SSBP3: variants seen among roughly 807,000 people sequenced by gnomAD.
SSBP3 encodes the protein single-stranded DNA-binding protein 3.
Under a neutral mutation model 69.6 loss-of-function variants are expected in SSBP3, and 5 were observed. That is an observed-to-expected ratio of 0.07 (90% CI 0.04 to 0.15). The LOEUF is 0.15. Among genes scored for constraint, SSBP3 ranks in the 10% least tolerant of loss-of-function variants. The pLI, the probability that SSBP3 is intolerant of heterozygous loss-of-function variation, is 1.00. For missense variants in SSBP3, 312 were observed against 534.0 expected (o/e 0.58, Z 4.10); for synonymous variants, 196 against 193.4 (o/e 1.01, Z -0.11).
chr1:54,379,839 C>T (rs1647475851), intron 4 of SSBP3, among the ~76,000 whole-genome samples: 1 of 152,224 alleles, frequency 6.6e-6, no homozygotes, highest in South Asian at 2.1e-4. Flanking sequence ...AAGGCGGTAT[C>T]GTCCCTGCCC....
At chr1:54,406,806 C>T (rs903014752), upstream of SSBP3, among the ~76,000 whole-genome samples, 1 of 149,854 alleles carries the variant, frequency 6.7e-6, no homozygotes, top group African/African-American at 2.4e-5. Context: ...GCCGCTCGCT[C>T]CCTCCCGCCC....
At chr1:54,238,050 T>C (rs1180693396) in intron 14 of SSBP3, 1 of 432,214 alleles carries the variant, frequency 2.3e-6, no homozygotes, top group Admixed American at 2.6e-5. Context: ...ACTTTCTGTG[T>C]CCTGGGATTC....
chr1:54,307,145 C>T (rs565119445), intron 4 of SSBP3, among the ~76,000 whole-genome samples: 15 of 152,282 alleles, frequency 9.9e-5, no homozygotes, highest in African/African-American at 1.4e-4. Flanking sequence ...TTCTGCCTTC[C>T]GGCCCTAGAG....
At chr1:54,377,178 C>A (rs2100704768) in intron 4 of SSBP3, among the ~76,000 whole-genome samples, 2 of 152,242 alleles carry the variant, frequency 1.3e-5, no homozygotes, top group Middle Eastern at 6.8e-3. Context: ...GGCCTCATCG[C>A]CATTACTGAA....
intron 4 of SSBP3, among the ~76,000 whole-genome samples, chr1:54,397,561 G>C (rs1346802958): frequency 6.6e-6 from 1 of 152,124 alleles, no homozygotes; most frequent in Non-Finnish European, 1.5e-5. Context: ...TGCTGGAGTG[G>C]GAGGACAGGG....
intron 5 of SSBP3, among the ~76,000 whole-genome samples, chr1:54,270,631 A>T (rs1645176396): frequency 2.0e-5 from 3 of 152,156 alleles, no homozygotes; most frequent in African/African-American, 7.2e-5. Context: ...AAGAGGAGAA[A>T]CCCTGAGGCA....
intron 7 of SSBP3, among the ~76,000 whole-genome samples, chr1:54,252,816 T>A (rs688383): frequency 2.0e-5 from 3 of 152,194 alleles, no homozygotes; most frequent in Admixed American, 2.0e-4. Context: ...TTTATAAATA[T>A]GAGCTTTTGC....
intron 11 of SSBP3, 142 bp from the exon 12 acceptor site, chr1:54,241,651 G>A: frequency 1.2e-6 from 1 of 836,476 alleles, no homozygotes; most frequent in African/African-American, 1.7e-5. Context: ...TCCCCTGGGA[G>A]GGCTGGGACG....
intron 14 of SSBP3, among the ~76,000 whole-genome samples, chr1:54,234,421 C>T (rs533365855): frequency 6.6e-6 from 1 of 151,518 alleles, no homozygotes; most frequent in South Asian, 2.1e-4. Flanking sequence ...GACCTCATCT[C>T]TACAACAACA....
intron 4 of SSBP3, among the ~76,000 whole-genome samples, chr1:54,393,488 G>T (rs1005114040): frequency 3.3e-5 from 5 of 152,204 alleles, no homozygotes; most frequent in Non-Finnish European, 7.4e-5. Flanking sequence ...CGGAGGTGAG[G>T]TAAGAAAAAT....
intron 4 of SSBP3, among the ~76,000 whole-genome samples, chr1:54,319,831 G>C (rs1045112115): frequency 6.6e-6 from 1 of 152,142 alleles, no homozygotes; most frequent in Non-Finnish European, 1.5e-5. Context: ...TTATTCTTTT[G>C]TTGGCCTCTT....
At chr1:54,251,855 C>A (rs374080967) in exon 8 of SSBP3, 7 of 1,611,364 alleles carry the variant, frequency 4.3e-6, no homozygotes, top group Non-Finnish European at 5.9e-6. Context: ...GAACTCCTCC[C>A]GGAGGCTGAA....
chr1:54,225,608 A>G (rs1330611765), exon 18 of SSBP3: 10 of 411,584 alleles, frequency 2.4e-5, no homozygotes, highest in African/African-American at 1.2e-4. Flanking sequence ...TTTTTCAGGC[A>G]GATGATATCT....
chr1:54,412,057 G>T (rs1368687781), intron 1 of SSBP3, among the ~76,000 whole-genome samples: 1 of 152,130 alleles, frequency 6.6e-6, no homozygotes, highest in African/African-American at 2.4e-5. Flanking sequence ...TCATTCACTT[G>T]CCAAAACTTT....
At chr1:54,382,011 TG>T (rs1214052159) in intron 4 of SSBP3, among the ~76,000 whole-genome samples, 1 of 152,180 alleles carries the variant, frequency 6.6e-6, no homozygotes, top group East Asian at 1.9e-4. Context: ...CTGGCCAACA[TG>T]GTGAAACCCC....
chr1:54,327,067 G>A (rs968309431), intron 4 of SSBP3, among the ~76,000 whole-genome samples: 5 of 152,002 alleles, frequency 3.3e-5, no homozygotes, highest in African/African-American at 1.2e-4. Context: ...CAGTAACTCA[G>A]GCACTTGGGA....
chr1:54,322,314 T>C (rs2100382753), intron 4 of SSBP3, among the ~76,000 whole-genome samples: 1 of 152,248 alleles, frequency 6.6e-6, no homozygotes, highest in African/African-American at 2.4e-5. Flanking sequence ...TGAAGTTTTG[T>C]AGCACGGGGA....
At chr1:54,296,824 A>C (rs1380603806) in intron 4 of SSBP3, among the ~76,000 whole-genome samples, 1 of 152,134 alleles carries the variant, frequency 6.6e-6, no homozygotes, top group African/African-American at 2.4e-5. Flanking sequence ...CCAGCTGGGT[A>C]TCACTCTCCG....
chr1:54,320,060 C>A (rs1376651438), intron 4 of SSBP3, among the ~76,000 whole-genome samples: 1 of 152,176 alleles, frequency 6.6e-6, no homozygotes, highest in African/African-American at 2.4e-5. Context: ...CTGCTTCATG[C>A]CAGGCTGGAG....
Sources: allele counts gnomAD v4.1 joint callset (sites outside exome capture counted in the v4.1 genomes callset), GRCh38; gene constraint gnomAD v4.1.1; transcripts MANE v1.5; gene names NCBI Gene and HGNC (gene_info 2026-07-23, HGNC 2026-07-21).